The following DAAM1 variants were observed in gnomAD, a reference collection of about 807,000 sequenced individuals.
The protein encoded by DAAM1 is dishevelled associated activator of morphogenesis 1, also known as disheveled-associated activator of morphogenesis 1.
In DAAM1, 52 loss-of-function variants were observed where a neutral mutation model predicts 130.0. The observed-to-expected ratio is 0.40, with a 90% CI of 0.32 to 0.50. The LOEUF (loss-of-function observed/expected upper bound fraction) is 0.50. Ranked by LOEUF, DAAM1 falls within the 20% of genes least tolerant of loss-of-function variation. The pLI, the probability that DAAM1 is intolerant of heterozygous loss-of-function variation, is 0.61. For synonymous variants in DAAM1, 452 were observed against 444.5 expected (o/e 1.02, Z -0.21); for missense variants, 1,134 against 1,303.8 (o/e 0.87, Z 2.01).
At chr14:59,332,009 G>A in intron 15 of DAAM1, 89 bp downstream of exon 15, 1 of 1,119,800 alleles carries the variant, frequency 8.9e-7, no homozygotes, top group Non-Finnish European at 1.3e-6. Context: ...GCCGTGATGT[G>A]ACCGGCATAT....
intron 24 of DAAM1, 90 bp from the exon 25 acceptor site, chr14:59,368,560 C>T (rs1051487642): frequency 4.2e-5 from 55 of 1,318,386 alleles, no homozygotes; most frequent in Non-Finnish European, 5.6e-5. Flanking sequence ...GTGTCTGGAG[C>T]ATTACCATAT....
chr14:59,206,589 T>C (rs1888269799), intron 1 of DAAM1, among the ~76,000 whole-genome samples: 1 of 152,258 alleles, frequency 6.6e-6, no homozygotes, highest in South Asian at 2.1e-4. Flanking sequence ...ATTTCATCTA[T>C]AAAATAAGAT....
At chr14:59,355,480 C>T in intron 20 of DAAM1, 147 bp downstream of exon 20, 5 of 1,000,720 alleles carry the variant, frequency 5.0e-6, no homozygotes, top group Non-Finnish European at 2.8e-6. Context: ...CCTTCTCTGA[C>T]ATTGACTCTT....
chr14:59,342,760 T>G (rs890445650), intron 16 of DAAM1, among the ~76,000 whole-genome samples: 3 of 152,164 alleles, frequency 2.0e-5, no homozygotes, highest in Admixed American at 1.3e-4. Context: ...CTGAAGGACA[T>G]GGAGCCCGGC....
intron 1 of DAAM1, among the ~76,000 whole-genome samples, chr14:59,245,018 G>A (rs1881304119): frequency 6.6e-6 from 1 of 152,256 alleles, no homozygotes; most frequent in East Asian, 1.9e-4. Flanking sequence ...AGTGGCACCT[G>A]TAAGATAACT....
chr14:59,281,704 G>A (rs2139544220), intron 2 of DAAM1, among the ~76,000 whole-genome samples: 1 of 152,220 alleles, frequency 6.6e-6, no homozygotes, highest in East Asian at 1.9e-4. Context: ...ATCAGGATCT[G>A]TTATTCATCT....
chr14:59,230,120 CTT>C (rs1219173174), intron 1 of DAAM1, among the ~76,000 whole-genome samples: 1 of 152,176 alleles, frequency 6.6e-6, no homozygotes, highest in Admixed American at 6.5e-5. Context: ...CGTCATTTCT[CTT>C]TGTGAAACAG....
chr14:59,263,506 G>T lies in DAAM1; in HGVS notation c.29G>T (p.Gly10Val), dbSNP rs1423013381. ...GCCCCAAGAAAGAGAGGTGGACGAG[G>T]TATTTCATTCATCTTTTGCTGTTTC... MAPRKRGGR[G>V]ISFIFCCFRN... is the part of the protein sequence containing the mutation. The change falls in exon 2 of 25, where the codon GGT becomes GTT. Residue 10 changes from glycine to valine, a missense_variant. Physicochemically the swap from Gly to Val is moderately radical, Grantham distance 109. Around this residue, in one of 3 missense-constraint regions of DAAM1, gnomAD observed 99 missense variants for 86.4 expected, o/e 1.15. Coordinates refer to ENST00000360909, the MANE Select transcript of DAAM1 (RefSeq NM_001270520.2). 2 of 1,614,216 alleles carry T rather than the reference G, an allele frequency of 1.2e-6. No individual in the cohort carries two copies. Among genetic ancestry groups the T allele is most frequent in the South Asian group, 1.1e-5 (1 of 91,088 alleles).
chr14:59,366,333 C>T (rs773350756), intron 23 of DAAM1, among the ~76,000 whole-genome samples: 14 of 152,072 alleles, frequency 9.2e-5, no homozygotes, highest in Non-Finnish European at 2.1e-4. Flanking sequence ...TTAAAGATTC[C>T]ATACTCAGTT....
rs140338443 is a variant in DAAM1 at position 59,311,677 on chromosome 14, AGAT to A, written c.274-3599_274-3597del. Among the ~76,000 whole-genome samples, 591 of 152,264 alleles carry A rather than the reference AGAT, an allele frequency of 3.9e-3. 10 individuals carry two copies. Among genetic ancestry groups the A allele is most frequent in the African/African-American group, 0.014 (569 of 41,546 alleles). On this transcript the variant is annotated intron_variant, in intron 3 of 24. Transcript: ENST00000360909. ...ACATATTTTTCCCTACAGATGGGAA[AGAT>A]GATATTCTGAAGCATTCTCTCCCCG...
At chr14:59,324,303 G>A (rs376272143) in intron 7 of DAAM1, 48 bp from the exon 8 acceptor site, 88 of 1,455,632 alleles carry the variant, frequency 6.0e-5, no homozygotes, top group Non-Finnish European at 4.8e-5. Context: ...TGATTATTAT[G>A]TAGTCTAAAA....
rs188086080 is a variant in DAAM1 at position 59,234,130 on chromosome 14, A to G, written c.-37-29311A>G. Among the ~76,000 whole-genome samples the G allele has an allele frequency of 2.3e-4, 35 of 152,280 alleles. No individual in the cohort carries two copies. In the East Asian group the frequency reaches 6.4e-3, roughly 28 times the overall value. On this transcript the variant is annotated intron_variant, in intron 1 of 24. Coordinates refer to ENST00000360909, the MANE Select transcript of DAAM1 (RefSeq NM_001270520.2). ...GCTGTGTGGGCCCTTTTTTGGTTCC[A>G]TATGAAATTTAAAGTAGTTTTTTTC...
intron 1 of DAAM1, among the ~76,000 whole-genome samples, chr14:59,225,031 T>G (rs1308084308): frequency 1.4e-5 from 2 of 140,398 alleles, no homozygotes; most frequent in Non-Finnish European, 3.1e-5. Context: ...TTTTTTTTTT[T>G]TTTTTTTTTT....
intron 2 of DAAM1, among the ~76,000 whole-genome samples, chr14:59,284,677 T>G (rs1883364046): frequency 7.6e-6 from 1 of 132,284 alleles, no homozygotes; most frequent in South Asian, 2.5e-4. Context: ...AAAATACAAT[T>G]GGAAGCATTA....
chr14:59,285,368 A>G (rs2139552293), intron 2 of DAAM1, among the ~76,000 whole-genome samples: 1 of 152,166 alleles, frequency 6.6e-6, no homozygotes, highest in Admixed American at 6.5e-5. Flanking sequence ...CTACATATGC[A>G]CATACAATCA....
At chr14:59,209,801 A>G (rs1268680722) in intron 1 of DAAM1, among the ~76,000 whole-genome samples, 3 of 152,278 alleles carry the variant, frequency 2.0e-5, no homozygotes, top group South Asian at 4.1e-4. Flanking sequence ...GAACATCTAT[A>G]TGACCAAATC....
At chr14:59,262,534 A>C (rs1043324865) in intron 1 of DAAM1, among the ~76,000 whole-genome samples, 1 of 152,172 alleles carries the variant, frequency 6.6e-6, no homozygotes, top group Admixed American at 6.5e-5. Context: ...AATTTCTTTC[A>C]TATATTTATA....
Position 59,367,449 on chromosome 14 carries a change from C to G in DAAM1, c.2847C>G (p.His949Gln), listed in dbSNP as rs1886964158. Residue 949 changes from histidine (H) to glutamine (Q), a missense_variant, in exon 24 of 25, where the codon CAC becomes CAG. His to Gln is a conservative substitution (Grantham distance 24). Around this residue, in one of 3 missense-constraint regions of DAAM1, gnomAD observed 644 missense variants for 695.9 expected, o/e 0.93. Transcript: ENST00000360909. ...CCTAGTTTACTAAAGCAGTGAAGCA[C>G]TTTGGGGAAGAGGCTGGCAAAATAC... ...AKDLFTKAVKHFGEEAGKIQP... is the reference protein window; with the variant it reads ...AKDLFTKAVKQFGEEAGKIQP... The G allele has an allele frequency of 6.2e-7, 1 of 1,611,690 alleles. No individual in the cohort carries two copies. The highest frequency in any genetic ancestry group is 1.3e-5 in the African/African-American group (1 of 74,856).
At chr14:59,280,537 T>C (rs1883164724) in intron 2 of DAAM1, among the ~76,000 whole-genome samples, 1 of 138,596 alleles carries the variant, frequency 7.2e-6, no homozygotes, top group Non-Finnish European at 1.6e-5. Flanking sequence ...ACACCTTCCT[T>C]TTTTTTTTTT....
Sources: gnomAD v4.1 joint callset for allele counts (sites outside exome capture counted in the v4.1 genomes callset) on GRCh38, gnomAD v4.1.1 for gene constraint, gnomAD v4.1.1 regional missense constraint, MANE v1.5 for transcripts, NCBI Gene and HGNC (gene_info 2026-07-23, HGNC 2026-07-21) for gene names.